The following TASP1 variants were observed in gnomAD, a reference collection of about 807,000 sequenced individuals.
The protein encoded by TASP1 is taspase 1, also known as threonine aspartase 1.
In TASP1, 16 loss-of-function variants were observed where a neutral mutation model predicts 56.6. The ratio of observed to expected loss-of-function variants is 0.28; its 90% CI spans 0.19 to 0.43. TASP1 has a LOEUF of 0.43. Ranked by LOEUF, TASP1 falls within the 20% of genes least tolerant of loss-of-function variation. The pLI is 1.00. For missense variants in TASP1, 393 were observed against 511.6 expected (o/e 0.77, Z 2.24); for synonymous variants, 179 against 184.2 (o/e 0.97, Z 0.23).
At chr20:13,541,649 C>T (rs1157693721) in intron 8 of TASP1, among the ~76,000 whole-genome samples, 1 of 152,104 alleles carries the variant, frequency 6.6e-6, no homozygotes, top group Non-Finnish European at 1.5e-5. Flanking sequence ...AGGCAGGAAC[C>T]TTTGCATGTT....
At chr20:13,448,618 C>A (rs1266088599) in intron 11 of TASP1, among the ~76,000 whole-genome samples, 2 of 151,978 alleles carry the variant, frequency 1.3e-5, no homozygotes, top group Non-Finnish European at 2.9e-5. Context: ...TGGCGTGGTA[C>A]CCTAAAATAA....
At chr20:13,629,806 C>T in intron 2 of TASP1, 128 bp downstream of exon 2, 2 of 1,400,354 alleles carry the variant, frequency 1.4e-6, no homozygotes, top group Non-Finnish European at 2.0e-6. Context: ...CAAACAATCG[C>T]TTTGCTTCCA....
intron 6 of TASP1, among the ~76,000 whole-genome samples, chr20:13,576,510 C>A (rs2046933935): frequency 6.6e-6 from 1 of 151,884 alleles, no homozygotes; most frequent in Admixed American, 6.6e-5. Context: ...TGACAATGAA[C>A]AGTTGGAAAT....
At chr20:13,279,676 A>G in the TASP1 span, 3 of 1,613,898 alleles carry the variant, frequency 1.9e-6, no homozygotes, top group Admixed American at 1.7e-5. Flanking sequence ...TGAAGCAGAT[A>G]AAGATCAGCA....
the TASP1 span, chr20:13,298,946 A>C: frequency 1.1e-5 from 17 of 1,612,996 alleles, no homozygotes; most frequent in African/African-American, 2.3e-4. Context: ...TTCCAGACAC[A>C]GACAGCTGTG....
the TASP1 span, among the ~76,000 whole-genome samples, chr20:13,282,703 T>C: frequency 6.6e-6 from 1 of 152,252 alleles, no homozygotes; most frequent in Non-Finnish European, 1.5e-5. Context: ...ATTGCTACTT[T>C]ATAAATAAAG....
chr20:13,201,734 G>T, the TASP1 span, among the ~76,000 whole-genome samples: 1 of 151,482 alleles, frequency 6.6e-6, no homozygotes, highest in East Asian at 1.9e-4. Context: ...GTAAAAAATT[G>T]TGGGCTCTGA....
the TASP1 span, among the ~76,000 whole-genome samples, chr20:13,194,719 CAAAGAGAT>C: frequency 6.6e-5 from 10 of 152,060 alleles, no homozygotes; most frequent in African/African-American, 1.9e-4. Flanking sequence ...TAAAATTTGA[CAAAGAGAT>C]AAAGAGATAT....
chr20:13,309,001 A>C, the TASP1 span, among the ~76,000 whole-genome samples: 2 of 152,192 alleles, frequency 1.3e-5, no homozygotes, highest in African/African-American at 4.8e-5. Flanking sequence ...AGCCTCCAGA[A>C]ATGTGAGAAA....
chr20:13,593,595 A>G (rs1336077761), intron 4 of TASP1, among the ~76,000 whole-genome samples: 1 of 152,212 alleles, frequency 6.6e-6, no homozygotes, highest in Non-Finnish European at 1.5e-5. Context: ...AGCCTTGCTC[A>G]CTACTAGCGC....
the TASP1 span, among the ~76,000 whole-genome samples, chr20:13,207,227 CAT>C: frequency 6.6e-6 from 1 of 152,348 alleles, no homozygotes; most frequent in East Asian, 1.9e-4. Context: ...GTCTGCTCCA[CAT>C]GTCTCTCATT....
the TASP1 span, among the ~76,000 whole-genome samples, chr20:13,179,992 A>G: frequency 6.6e-6 from 1 of 152,180 alleles, no homozygotes; most frequent in East Asian, 1.9e-4. Context: ...TTCTGTATTC[A>G]GAATAAACAG....
At chr20:13,482,300 C>T (rs571692302) in intron 11 of TASP1, among the ~76,000 whole-genome samples, 1 of 152,186 alleles carries the variant, frequency 6.6e-6, no homozygotes, top group Admixed American at 6.6e-5. Flanking sequence ...CAGTCCCATG[C>T]CATTTTGGTT....
rs1054980047 is a variant in TASP1, at chr20:13,490,547, T to C, written c.875-7210A>G. ...ACATTAGCTTACATTACAAAAAGCT[T>C]CTGTAACTTTACCCATAGGAGAAAT... On this transcript the variant is annotated intron_variant, in intron 10 of 13. Coordinates refer to ENST00000337743, the MANE Select transcript of TASP1 (RefSeq NM_017714.3). Among the ~76,000 whole-genome samples the C allele has an allele frequency of 7.2e-5, 11 of 152,336 alleles. 1 individual carries two copies. The South Asian group carries it at 1.9e-3, about 26-fold the overall frequency.
At chr20:13,609,642 G>A (rs1285612771) in intron 4 of TASP1, among the ~76,000 whole-genome samples, 8 of 149,534 alleles carry the variant, frequency 5.3e-5, no homozygotes, top group Middle Eastern at 3.5e-3. Flanking sequence ...GAGCTGAGAC[G>A]GCGCCATTGC....
the TASP1 span, among the ~76,000 whole-genome samples, chr20:13,219,444 T>A: frequency 6.6e-6 from 1 of 151,270 alleles, no homozygotes; most frequent in Non-Finnish European, 1.5e-5. Flanking sequence ...GTTTCGCGTT[T>A]CCCCCCACTC....
chr20:13,445,927 T>C (rs2043393822), intron 11 of TASP1, among the ~76,000 whole-genome samples: 1 of 152,152 alleles, frequency 6.6e-6, no homozygotes, highest in African/African-American at 2.4e-5. Flanking sequence ...AACAAATATT[T>C]CATATTTTAT....
intron 9 of TASP1, among the ~76,000 whole-genome samples, chr20:13,530,122 T>C (rs2045164031): frequency 6.6e-6 from 1 of 152,168 alleles, no homozygotes; most frequent in African/African-American, 2.4e-5. Context: ...CCCAAGACTC[T>C]GCGATGCACA....
downstream of TASP1, among the ~76,000 whole-genome samples, chr20:13,385,411 T>G (rs955912349): frequency 3.3e-5 from 5 of 152,232 alleles, no homozygotes; most frequent in Non-Finnish European, 7.3e-5. Flanking sequence ...CAAACTTTTG[T>G]GGCATATCCA....
Sources: gnomAD v4.1 joint callset for allele counts (sites outside exome capture counted in the v4.1 genomes callset) on GRCh38, gnomAD v4.1.1 for gene constraint, MANE v1.5 for transcripts, NCBI Gene and HGNC (gene_info 2026-07-23, HGNC 2026-07-21) for gene names.